RGS6: variants seen among roughly 807,000 people sequenced by gnomAD.
The protein encoded by RGS6 is regulator of G protein signaling 6.
A neutral mutation model predicts 78.5 loss-of-function variants in RGS6; 30 were observed. The observed-to-expected ratio is 0.38, with a 90% CI of 0.29 to 0.52. The LOEUF is 0.52. Ranked by LOEUF, RGS6 falls within the 20% of genes least tolerant of loss-of-function variation. The pLI, the probability that RGS6 is intolerant of heterozygous loss-of-function variation, is 0.85. For missense variants in RGS6, 495 were observed against 609.7 expected, an observed-to-expected ratio of 0.81 and a Z score of 1.98; for synonymous variants, 206 against 206.0, an observed-to-expected ratio of 1.00 and a Z score of 0.00.
the RGS6 span, among the ~76,000 whole-genome samples, chr14:71,895,663 T>C: frequency 6.6e-6 from 1 of 152,166 alleles, no homozygotes; most frequent in East Asian, 1.9e-4. Context: ...GACAGTTGAA[T>C]AAAGGGACTG....
intron 3 of RGS6, among the ~76,000 whole-genome samples, chr14:72,371,702 A>G (rs2083548023): frequency 6.6e-6 from 1 of 152,202 alleles, no homozygotes; most frequent in Non-Finnish European, 1.5e-5. Context: ...CAGAGGTTGC[A>G]GTGAGCCGAG....
intron 2 of RGS6, among the ~76,000 whole-genome samples, chr14:72,027,375 A>T (rs756565998): frequency 1.3e-5 from 2 of 152,184 alleles, no homozygotes; most frequent in South Asian, 4.1e-4. Context: ...ATGCACATAC[A>T]TGCATATATA....
intron 2 of RGS6, among the ~76,000 whole-genome samples, chr14:72,313,771 A>C (rs1002690008): frequency 1.3e-5 from 2 of 152,182 alleles, no homozygotes; most frequent in African/African-American, 4.8e-5. Flanking sequence ...AAGGATGGAG[A>C]AGGTATTTTG....
chr14:72,519,898 G>A (rs1425083441), intron 15 of RGS6, among the ~76,000 whole-genome samples: 1 of 152,142 alleles, frequency 6.6e-6, no homozygotes, highest in African/African-American at 2.4e-5. Context: ...GATGCATCTA[G>A]CACAGTATTA....
At chr14:72,108,537 T>C (rs1278304490) in intron 2 of RGS6, among the ~76,000 whole-genome samples, 1 of 151,952 alleles carries the variant, frequency 6.6e-6, no homozygotes, top group African/African-American at 2.4e-5. Context: ...GAGACTCCTG[T>C]TGTCCTTATG....
At chr14:72,046,389 C>A (rs1298064681) in intron 2 of RGS6, among the ~76,000 whole-genome samples, 1 of 152,040 alleles carries the variant, frequency 6.6e-6, no homozygotes, top group Non-Finnish European at 1.5e-5. Context: ...AAAATTAATT[C>A]TCTAATTATA....
intron 2 of RGS6, among the ~76,000 whole-genome samples, chr14:71,992,745 G>T (rs1053210410): frequency 2.0e-5 from 3 of 152,198 alleles, no homozygotes; most frequent in Non-Finnish European, 4.4e-5. Flanking sequence ...TTGTCAGGTT[G>T]ATATATTTGG....
chr14:72,061,672 TA>T (rs1374209357), intron 2 of RGS6, among the ~76,000 whole-genome samples: 2 of 152,192 alleles, frequency 1.3e-5, no homozygotes, highest in Non-Finnish European at 2.9e-5. Context: ...ATGATACCTT[TA>T]AAAAAGACCA....
chr14:72,535,850 C>T (rs2097243718), intron 15 of RGS6, among the ~76,000 whole-genome samples: 1 of 152,070 alleles, frequency 6.6e-6, no homozygotes, highest in South Asian at 2.1e-4. Flanking sequence ...GAGATTCATC[C>T]AAGTTGTTGT....
chr14:72,583,537 T>C, the RGS6 span, among the ~76,000 whole-genome samples: 1 of 149,664 alleles, frequency 6.7e-6, no homozygotes, highest in African/African-American at 2.5e-5. Context: ...TCAGCGTAGA[T>C]CAATGGGAGT....
intron 2 of RGS6, among the ~76,000 whole-genome samples, chr14:72,085,098 C>T (rs1450324328): frequency 6.6e-6 from 1 of 152,130 alleles, no homozygotes; most frequent in Non-Finnish European, 1.5e-5. Context: ...TAACTTTCTT[C>T]CTCACAGAAT....
intron 7 of RGS6, chr14:72,469,736 CA>C (rs1037378431): frequency 6.5e-6 from 2 of 309,628 alleles, no homozygotes; most frequent in African/African-American, 4.3e-5. Flanking sequence ...GTGTGAGTTG[CA>C]TTCTTGTAAA....
At chr14:71,897,672 C>G in the RGS6 span, among the ~76,000 whole-genome samples, 1 of 144,810 alleles carries the variant, frequency 6.9e-6, no homozygotes, top group Non-Finnish European at 1.5e-5. Flanking sequence ...AGGCGCCCAC[C>G]ACCACGCCCA....
intron 17 of RGS6, among the ~76,000 whole-genome samples, chr14:72,549,480 GT>G (rs910734106): frequency 6.6e-6 from 1 of 152,174 alleles, no homozygotes; most frequent in Non-Finnish European, 1.5e-5. Context: ...CGGAAAGGGT[GT>G]TTTGTTGAAA....
At chr14:72,532,845 CA>C (rs1172584539) in intron 15 of RGS6, among the ~76,000 whole-genome samples, 1 of 152,218 alleles carries the variant, frequency 6.6e-6, no homozygotes. Flanking sequence ...TTGAAGCTAA[CA>C]GAGGTTGGTT....
intron 2 of RGS6, among the ~76,000 whole-genome samples, chr14:71,992,805 C>G (rs1198588543): frequency 2.6e-5 from 4 of 152,220 alleles, no homozygotes; most frequent in Non-Finnish European, 5.9e-5. Flanking sequence ...TTTCTACACC[C>G]TTGTCTATAA....
At chr14:72,413,073 G>A (rs1444131791) in intron 3 of RGS6, among the ~76,000 whole-genome samples, 3 of 152,228 alleles carry the variant, frequency 2.0e-5, no homozygotes, top group Non-Finnish European at 4.4e-5. Context: ...TTCTGTAGAT[G>A]TCTATTAGGT....
intron 3 of RGS6, among the ~76,000 whole-genome samples, chr14:72,363,995 A>C (rs2081984758): frequency 7.5e-6 from 1 of 133,378 alleles, no homozygotes; most frequent in Non-Finnish European, 1.6e-5. Context: ...TCAGTGGACA[A>C]GGCTAAAAAA....
rs1004091904 is a variant in RGS6, at chr14:72,203,560, G to A, written c.85-148535G>A. Among the ~76,000 whole-genome samples the A allele has an allele frequency of 1.4e-4, 21 of 152,206 alleles. No individual in the cohort carries two copies. The East Asian group carries it at 2.7e-3, about 20-fold the overall frequency. Reference sequence around the variant, plus strand: ...GTGGTTGTTGGCTGGCCTCAAATCCGTCATGGCTGTTGGCTGACCTCAAAT... The same window carrying A: ...GTGGTTGTTGGCTGGCCTCAAATCCATCATGGCTGTTGGCTGACCTCAAAT... On this transcript the variant is annotated intron_variant, in intron 2 of 17. Coordinates refer to ENST00000553525, the MANE Select transcript of RGS6 (RefSeq NM_001204424.2).
Sources: allele counts gnomAD v4.1 joint callset (sites outside exome capture counted in the v4.1 genomes callset), GRCh38; gene constraint gnomAD v4.1.1; transcripts MANE v1.5; gene names NCBI Gene and HGNC (gene_info 2026-07-23, HGNC 2026-07-21).